The following ASIC2 variants were observed in gnomAD, a reference collection of about 807,000 sequenced individuals.
ASIC2 encodes the protein acid-sensing ion channel 2.
A neutral mutation model predicts 57.3 loss-of-function variants in ASIC2; 25 were observed. The observed-to-expected ratio is 0.44, with a 90% CI of 0.32 to 0.61. The LOEUF is 0.61. Among genes scored for constraint, ASIC2 ranks in the 20% least tolerant of loss-of-function variants. ASIC2 has a pLI of 0.06. For missense variants in ASIC2, 641 were observed against 738.1 expected (o/e 0.87, Z 1.52); for synonymous variants, 319 against 307.5 (o/e 1.04, Z -0.39).
intron 1 of ASIC2, among the ~76,000 whole-genome samples, chr17:33,994,885 G>GA (rs1298178726): frequency 3.3e-5 from 5 of 151,728 alleles, no homozygotes; most frequent in Non-Finnish European, 5.9e-5. Flanking sequence ...GGACAATGCA[G>GA]AAAAAAAACG....
At position 33,867,843 on chromosome 17, in the gene ASIC2, G is replaced by A. The variant is rs1209367446; in HGVS notation, c.555+288135C>T. 2.0e-5 allele frequency among the ~76,000 whole-genome samples: 3 copies of A among 152,198 alleles called. No homozygotes were observed. In the East Asian group the frequency reaches 5.8e-4, roughly 29 times the overall value. On this transcript the variant is annotated intron_variant, in intron 1 of 9. Transcript: ENST00000359872. ...CAGACAGGAAAGTGCAAAAAGAAAT[G>A]TGAATGCCCCAGTCACACCAGAGAT...
intron 1 of ASIC2, among the ~76,000 whole-genome samples, chr17:33,234,996 GT>G (rs1908239747): frequency 6.6e-6 from 1 of 152,152 alleles, no homozygotes. Flanking sequence ...ATCCTTTCTG[GT>G]CTTCTCCTGC....
At chr17:33,442,263 C>T (rs1911851900) in intron 1 of ASIC2, among the ~76,000 whole-genome samples, 1 of 152,098 alleles carries the variant, frequency 6.6e-6, no homozygotes, top group African/African-American at 2.4e-5. Context: ...TATCTTATAT[C>T]CTTTAAATTT....
intron 1 of ASIC2, among the ~76,000 whole-genome samples, chr17:33,351,409 A>C (rs959747894): frequency 6.6e-6 from 1 of 152,162 alleles, no homozygotes; most frequent in Admixed American, 6.5e-5. Context: ...CTGCCACATT[A>C]AGCCATTCAG....
At chr17:33,514,048 G>A (rs138542291) in intron 1 of ASIC2, among the ~76,000 whole-genome samples, 2 of 152,306 alleles carry the variant, frequency 1.3e-5, no homozygotes, top group African/African-American at 4.8e-5. Context: ...CGTGTACCTC[G>A]TGGGTAGACA....
At chr17:33,747,853 C>A (rs563076818) in intron 1 of ASIC2, among the ~76,000 whole-genome samples, 1 of 152,184 alleles carries the variant, frequency 6.6e-6, no homozygotes, top group Non-Finnish European at 1.5e-5. Flanking sequence ...CTCTGACAGG[C>A]GGGCCTCACC....
intron 1 of ASIC2, among the ~76,000 whole-genome samples, chr17:33,790,948 C>A (rs1911751258): frequency 6.6e-6 from 1 of 152,166 alleles, no homozygotes; most frequent in Admixed American, 6.5e-5. Flanking sequence ...GTGAAAAAAA[C>A]AGAGGCACAG....
At chr17:33,420,987 G>A (rs1172067108) in intron 1 of ASIC2, among the ~76,000 whole-genome samples, 2 of 152,194 alleles carry the variant, frequency 1.3e-5, no homozygotes, top group African/African-American at 4.8e-5. Context: ...CTAGTTCTTG[G>A]TTTAGTGAAG....
At position 33,517,053 on chromosome 17, in the gene ASIC2, T is replaced by A. The variant is rs189315477; in HGVS notation, c.556-404986A>T. ...TCTCTTTTCTTCTAGATGTTGTTTC[T>A]TTGCTTTGGGAAATGGTTCTCAAAC... is the stretch of plus-strand genomic sequence containing the variant. On this transcript the variant is annotated intron_variant, in intron 1 of 9. Coordinates refer to the ASIC2 transcript ENST00000359872. 6.6e-5 allele frequency among the ~76,000 whole-genome samples: 10 copies of A among 152,346 alleles called. No individual in the cohort carries two copies. The East Asian group carries it at 1.9e-3, about 29-fold the overall frequency.
At chr17:33,624,825 G>T (rs1905921070) in intron 1 of ASIC2, among the ~76,000 whole-genome samples, 1 of 152,196 alleles carries the variant, frequency 6.6e-6, no homozygotes, top group South Asian at 2.1e-4. Flanking sequence ...TCAAAGGGAG[G>T]TCATTTTCAC....
chr17:33,038,251 C>G (rs2091917078), intron 3 of ASIC2, among the ~76,000 whole-genome samples: 2 of 152,320 alleles, frequency 1.3e-5, no homozygotes, highest in South Asian at 4.2e-4. Flanking sequence ...GTTTTTCTAT[C>G]CTTTCATTTA....
chr17:34,012,026 T>C (rs57308496), intron 1 of ASIC2, among the ~76,000 whole-genome samples: 18,525 of 152,170 alleles, frequency 0.12, 3,729 homozygotes, highest in African/African-American at 0.42. Context: ...AACTTTTCTC[T>C]GTTCTGCCAC....
chr17:33,811,878 T>C (rs866957152), intron 1 of ASIC2, among the ~76,000 whole-genome samples: 1 of 152,200 alleles, frequency 6.6e-6, no homozygotes, highest in Non-Finnish European at 1.5e-5. Flanking sequence ...TCCATGCTCC[T>C]GCACATGCAG....
chr17:33,553,563 T>C (rs1369652630), intron 1 of ASIC2, among the ~76,000 whole-genome samples: 1 of 152,012 alleles, frequency 6.6e-6, no homozygotes, highest in Non-Finnish European at 1.5e-5. Flanking sequence ...CTTGAACTCC[T>C]GGGCTTGAGC....
rs537890007 is a variant in ASIC2, at chr17:33,418,416, T to G, written c.556-306349A>C. Among the ~76,000 whole-genome samples, 6 of 152,368 alleles carry G rather than the reference T, an allele frequency of 3.9e-5. No individual in the cohort carries two copies. In the South Asian group the frequency reaches 1.2e-3, roughly 32 times the overall value. On this transcript the variant is annotated intron_variant, in intron 1 of 9. Coordinates refer to the ASIC2 transcript ENST00000359872. ...TTTTGGCTTTTGTTGCCATTGCTTT[T>G]GGTGTTTTAGTCGTGAAGTCTTTGC...
At chr17:34,075,080 C>T (rs542471960) in intron 1 of ASIC2, among the ~76,000 whole-genome samples, 4 of 152,110 alleles carry the variant, frequency 2.6e-5, no homozygotes, top group African/African-American at 4.8e-5. Flanking sequence ...CCACCGCGCC[C>T]GGCCAGAGTG....
chr17:33,753,492 C>T (rs1389142561), intron 1 of ASIC2, among the ~76,000 whole-genome samples: 2 of 152,166 alleles, frequency 1.3e-5, no homozygotes, highest in African/African-American at 2.4e-5. Flanking sequence ...AAAAGAAAAA[C>T]TTCAGCTGAA....
chr17:33,663,861 G>A (rs1485097917), intron 1 of ASIC2, among the ~76,000 whole-genome samples: 2 of 152,134 alleles, frequency 1.3e-5, no homozygotes, highest in Non-Finnish European at 2.9e-5. Context: ...AATGTTCTCA[G>A]CTGAATCCCA....
intron 1 of ASIC2, among the ~76,000 whole-genome samples, chr17:33,170,101 G>GTGGGAATT (rs1179778786): frequency 1.3e-5 from 2 of 152,202 alleles, no homozygotes; most frequent in Non-Finnish European, 2.9e-5. Context: ...ATGTGGGAAT[G>GTGGGAATT]TGGGAGTCCT....
Sources: allele counts gnomAD v4.1 joint callset (sites outside exome capture counted in the v4.1 genomes callset), GRCh38; gene constraint gnomAD v4.1.1; transcripts MANE v1.5; gene names NCBI Gene and HGNC (gene_info 2026-07-23, HGNC 2026-07-21).